The following IPO4 variants were observed in gnomAD, a reference collection of about 807,000 sequenced individuals.
IPO4 encodes importin 4.
In IPO4, 91 loss-of-function variants were observed where a neutral mutation model predicts 133.5. The ratio of observed to expected loss-of-function variants is 0.68; its 90% CI spans 0.58 to 0.81. The LOEUF is 0.81. IPO4 is among the 30% of genes least tolerant of loss of function. The pLI is 0.00. For synonymous variants in IPO4, 607 were observed against 581.6 expected, an observed-to-expected ratio of 1.04 and a Z score of -0.63; for missense variants, 1,279 against 1,386.2, an observed-to-expected ratio of 0.92 and a Z score of 1.23.
Position 24,184,891 on chromosome 14 carries a change from C to T in IPO4, c.1498G>A (p.Ala500Thr). 5 of 1,614,094 alleles carry T rather than the reference C, an allele frequency of 3.1e-6. No homozygotes were observed. In the East Asian group the frequency reaches 8.9e-5, roughly 29 times the overall value. The change falls in exon 15 of 30, where the codon GCT (alanine) becomes ACT (threonine). Residue 500 changes from alanine (A) to threonine (T), a missense_variant. Ala to Thr is a moderately conservative substitution (Grantham distance 58). This residue lies in a region of IPO4 where 695 missense variants were observed against 704.1 expected (regional missense o/e 0.99). Coordinates refer to ENST00000354464, the MANE Select transcript of IPO4 (RefSeq NM_024658.4). ...NPSSPRAKELAVSALGAIATA... is the reference protein window; with the variant it reads ...NPSSPRAKELTVSALGAIATA... ...CCAATGGCTCCCAGGGCGCTCACAGCCAGCTCCTTGGCCCGGGGACTGCTG... is the reference window on the plus strand; with the variant it reads ...CCAATGGCTCCCAGGGCGCTCACAGTCAGCTCCTTGGCCCGGGGACTGCTG...
rs759492726 is a variant in IPO4 at position 24,183,249 on chromosome 14, C to T, written c.2227+1G>A. The T allele has an allele frequency of 6.2e-7, 1 of 1,613,530 alleles. No individual in the cohort carries two copies. Among genetic ancestry groups the T allele is most frequent in the Non-Finnish European group, 8.5e-7 (1 of 1,179,708 alleles). ...CCCAGCCTGGCCCAGCCTCTCCTCA[C>T]CAGCAGTGTTGGGTTCCGAGGGGCA... On this transcript the variant is annotated splice_donor_variant, in intron 22 of 29. Transcript: ENST00000354464. LOFTEE classifies it high-confidence loss of function.
rs777192436 is a variant in IPO4, at chr14:24,184,912, T to C, written c.1477A>G (p.Ser493Gly). 3.1e-6 allele frequency: 5 copies of C among 1,614,120 alleles called. No homozygotes were observed. Among genetic ancestry groups the C allele is most frequent in the Non-Finnish European group, 4.2e-6 (5 of 1,180,010 alleles). ...CMLQLLRNPS[S>G]PRAKELAVSA... Reference sequence around the variant, plus strand: ...ACAGCCAGCTCCTTGGCCCGGGGACTGCTGGGGTTCCTCAGAAGCTGCAGC... The same window carrying C: ...ACAGCCAGCTCCTTGGCCCGGGGACCGCTGGGGTTCCTCAGAAGCTGCAGC... Residue 493 changes from serine to glycine, a missense_variant, in exon 15 of 30, where the codon AGT becomes GGT. Ser to Gly is a moderately conservative substitution (Grantham distance 56). Transcript: ENST00000354464.
At chr14:24,181,246 G>A (rs757440097) in intron 28 of IPO4, among the ~76,000 whole-genome samples, 1 of 152,200 alleles carries the variant, frequency 6.6e-6, no homozygotes, top group Non-Finnish European at 1.5e-5. Flanking sequence ...GCAACTTCTG[G>A]CTCAGACCAA....
At position 24,181,509 on chromosome 14, in the gene IPO4, T is replaced by C. The variant is rs369576079; in HGVS notation, c.3045+4A>G. 548 of 1,555,874 alleles carry C rather than the reference T, an allele frequency of 3.5e-4. No homozygotes were observed. Among genetic ancestry groups the C allele is most frequent in the Non-Finnish European group, 4.6e-4 (527 of 1,149,042 alleles). On this transcript the variant is annotated splice_donor_region_variant and intron_variant, in intron 28 of 29. Transcript: ENST00000354464. ...CCTCTGAGGGCTGCCAGCAGCAAGG[T>C]TACCTGGTCAGGGCTGCTCTGGTAC... is the stretch of plus-strand genomic sequence containing the variant.
In IPO4 at chr14:24,182,371, A is replaced by T; in HGVS notation, c.2505T>A (p.Ala835=). 6.2e-7 allele frequency: 1 copy of T among 1,613,346 alleles called. No homozygotes were observed. The highest frequency in any genetic ancestry group is 8.5e-7 in the Non-Finnish European group (1 of 1,179,710). The change falls in exon 25 of 30, where the codon GCT becomes GCA. Residue 835 remains alanine (A), a synonymous_variant. Coordinates refer to ENST00000354464, the MANE Select transcript of IPO4 (RefSeq NM_024658.4). ...CTGCCAGGGCAGGGATGGCCTCTCC[A>T]GCGTGCTCCAGCAACATGGCGTCGT... ...AEYDAMLLEH[A]GEAIPALAAA... is the part of the protein sequence containing the mutation.
chr14:24,185,554 G>A lies in IPO4; in HGVS notation c.1183C>T (p.Leu395=). ...AGGCCCTTGCACACAATCTGCAGCA[G>A]TGGGGGCAGCAGTCTGGATGGGGCA... ...DHIRQRLLPP[L]LQIVCKGLED... Residue 395 remains leucine, a synonymous_variant, in exon 13 of 30, where the codon CTG becomes TTG. Transcript: ENST00000354464. 6.2e-7 allele frequency: 1 copy of A among 1,614,046 alleles called. No individual in the cohort carries two copies. The highest frequency in any genetic ancestry group is 8.5e-7 in the Non-Finnish European group (1 of 1,179,932).
At chr14:24,185,345 G>T in intron 13 of IPO4, 33 bp from the exon 14 acceptor site, 1 of 1,613,846 alleles carries the variant, frequency 6.2e-7, no homozygotes, top group Non-Finnish European at 8.5e-7. Flanking sequence ...CCTGAGTCAG[G>T]TTCACCTGCC....
At position 24,186,305 on chromosome 14, in the gene IPO4, G is replaced by A; in HGVS notation, c.987C>T (p.Pro329=). 1.2e-6 allele frequency: 2 copies of A among 1,608,204 alleles called. No individual in the cohort carries two copies. The highest frequency in any genetic ancestry group is 1.7e-6 in the Non-Finnish European group (2 of 1,176,356). The change falls in exon 10 of 30, where the codon CCC becomes CCT. Residue 329 remains proline, a synonymous_variant. Transcript: ENST00000354464. ...ELEIELMGET[P]KHFAVQVVDM... Reference sequence around the variant, plus strand: ...ATCTCACTTGTACAGCGAAATGCTTGGGAGTCTCCCCCATCAGCTCAATCT... The same window carrying A: ...ATCTCACTTGTACAGCGAAATGCTTAGGAGTCTCCCCCATCAGCTCAATCT...
At chr14:24,180,782 CAG>C (rs1312381755) in intron 28 of IPO4, 24 bp from the exon 29 acceptor site, 3 of 1,609,594 alleles carry the variant, frequency 1.9e-6, no homozygotes, top group South Asian at 1.1e-5. Context: ...GTGGCTGACT[CAG>C]GGCAGCAGCC....
In IPO4 at chr14:24,188,212, T is replaced by C. The variant is rs777617794; in HGVS notation, c.278+4A>G. The C allele has an allele frequency of 6.2e-7, 1 of 1,612,906 alleles. No homozygotes were observed. On this transcript the variant is annotated splice_donor_region_variant and intron_variant, in intron 4 of 29. Transcript: ENST00000354464. ...GATCCCGAGAGAAGTGGGTAGGTACTTACTCTGTTTCTCTCTGCAGGGCCG... is the reference window on the plus strand; with the variant it reads ...GATCCCGAGAGAAGTGGGTAGGTACCTACTCTGTTTCTCTCTGCAGGGCCG...
chr14:24,187,737 A>T lies in IPO4; in HGVS notation c.338T>A (p.Leu113Ter), dbSNP rs770554503. The T allele has an allele frequency of 6.2e-7, 1 of 1,614,224 alleles. No homozygotes were observed. The highest frequency in any genetic ancestry group is 8.5e-7 in the Non-Finnish European group (1 of 1,180,028). The change falls in exon 5 of 30, where the codon TTG becomes TAG. Residue 113 changes from leucine (L) to a stop codon, truncating the protein, a stop_gained. Coordinates refer to ENST00000354464, the MANE Select transcript of IPO4 (RefSeq NM_024658.4). LOFTEE classifies it high-confidence loss of function. ...CTGCAAAAGCTGTGGCCAGGCCTCCAAGCCTTCCTTTCGAAAAATGGTGGC... is the reference window on the plus strand; with the variant it reads ...CTGCAAAAGCTGTGGCCAGGCCTCCTAGCCTTCCTTTCGAAAAATGGTGGC... ...LSATIFRKEG[L>*]EAWPQLLQLL...
chr14:24,188,509 GGCGT>G, intron 2 of IPO4, 39 bp downstream of exon 2: 1 of 1,607,050 alleles, frequency 6.2e-7, no homozygotes, highest in African/African-American at 1.3e-5. Flanking sequence ...CTTGACCGGT[GGCGT>G]ACAGTGGGAA....
chr14:24,187,503 C>A lies in IPO4; in HGVS notation c.485G>T (p.Arg162Leu). 1 of 1,614,098 alleles carries A rather than the reference C, an allele frequency of 6.2e-7. No individual in the cohort carries two copies. The highest frequency in any genetic ancestry group is 8.5e-7 in the Non-Finnish European group (1 of 1,180,006). The part of the protein sequence containing the change: ...AFQPHHRELL[R>L]LLNETLGEVG... ...CTCACCAAGAGTCTCATTCAGAAGCCGAAGAAGCTCCCGGTGGTGGGGTTG... is the reference window on the plus strand; with the variant it reads ...CTCACCAAGAGTCTCATTCAGAAGCAGAAGAAGCTCCCGGTGGTGGGGTTG... Residue 162 changes from arginine (R) to leucine (L), a missense_variant, in exon 6 of 30, where the codon CGG becomes CTG. Around this residue, in one of 3 missense-constraint regions of IPO4, gnomAD observed 695 missense variants for 704.1 expected, o/e 0.99. Coordinates refer to ENST00000354464, the MANE Select transcript of IPO4 (RefSeq NM_024658.4).
intron 24 of IPO4, 135 bp from the exon 25 acceptor site, chr14:24,182,538 G>A (rs2039157549): frequency 7.8e-7 from 1 of 1,284,378 alleles, no homozygotes; most frequent in Non-Finnish European, 1.1e-6. Context: ...CTCAAGCTGG[G>A]TGTTTCCATG....
chr14:24,184,345 A>G lies in IPO4; in HGVS notation c.1710T>C (p.Gly570=). ...RPLAEECCQL[G]LGLCDQVDDP... Reference sequence around the variant, plus strand: ...CGTCTACCTGGTCGCAGAGGCCCAGACCCAGCTGGCAGCATTCCTCAGCCA... The same window carrying G: ...CGTCTACCTGGTCGCAGAGGCCCAGGCCCAGCTGGCAGCATTCCTCAGCCA... The change falls in exon 17 of 30, where the codon GGT becomes GGC. Residue 570 remains glycine (G), a synonymous_variant. Transcript: ENST00000354464. The G allele has an allele frequency of 6.3e-7, 1 of 1,596,292 alleles. No individual in the cohort carries two copies. Among genetic ancestry groups the G allele is most frequent in the Non-Finnish European group, 8.5e-7 (1 of 1,171,596 alleles).
At chr14:24,184,841 T>C in intron 15 of IPO4, 26 bp downstream of exon 15, 1 of 1,609,116 alleles carries the variant, frequency 6.2e-7, no homozygotes, top group Non-Finnish European at 8.5e-7. Context: ...GAACCCCACA[T>C]CCCTGCCTCC....
chr14:24,183,069 T>TG lies in IPO4; in HGVS notation c.2327dup (p.Gly777ArgfsTer19). 2 of 1,613,758 alleles carry TG rather than the reference T, an allele frequency of 1.2e-6. No individual in the cohort carries two copies. Among genetic ancestry groups the TG allele is most frequent in the Non-Finnish European group, 8.5e-7 (1 of 1,179,958 alleles). On this transcript the variant is annotated frameshift_variant, in exon 23 of 30. Transcript: ENST00000354464. LOFTEE classifies it high-confidence loss of function. ...GGGTCCCACAGCTGCGGAGCACCCCTGTCAGGGCCTCCAGCACGGCCATCA... is the reference window on the plus strand; with the variant it reads ...GGGTCCCACAGCTGCGGAGCACCCCTGGTCAGGGCCTCCAGCACGGCCATCA...
In IPO4 at chr14:24,183,134, A is replaced by C; in HGVS notation, c.2263T>G (p.Tyr755Asp). 1.2e-6 allele frequency: 2 copies of C among 1,613,742 alleles called. No homozygotes were observed. Among genetic ancestry groups the C allele is most frequent in the Non-Finnish European group, 1.7e-6 (2 of 1,179,860 alleles). Reference sequence around the variant, plus strand: ...CGCTCCCTGTTCACTGCCTGCATGTAGGATGGCACGACTCGGGCCAGGGCA... The same window carrying C: ...CGCTCCCTGTTCACTGCCTGCATGTCGGATGGCACGACTCGGGCCAGGGCA... The part of the protein sequence containing the change: ...QAALARVVPS[Y>D]MQAVNRERER... The change falls in exon 23 of 30, where the codon TAC (tyrosine) becomes GAC (aspartate). Residue 755 changes from tyrosine to aspartate, a missense_variant. By Grantham distance (160) the Tyr-to-Asp change is radical (BLOSUM62 -3). Coordinates refer to ENST00000354464, the MANE Select transcript of IPO4 (RefSeq NM_024658.4).
chr14:24,185,150 C>G, intron 14 of IPO4, 33 bp downstream of exon 14: 3 of 1,613,200 alleles, frequency 1.9e-6, no homozygotes, highest in East Asian at 2.2e-5. Flanking sequence ...CCGCCTCATC[C>G]CCCTTCCCCA....
Sources: allele counts gnomAD v4.1 joint callset (sites outside exome capture counted in the v4.1 genomes callset), GRCh38; gene constraint gnomAD v4.1.1; regional missense constraint gnomAD v4.1.1; transcripts MANE v1.5; gene names NCBI Gene and HGNC (gene_info 2026-07-23, HGNC 2026-07-21).